RHBDD1: variants seen among roughly 807,000 people sequenced by gnomAD.
RHBDD1 encodes rhomboid domain containing 1, also known as rhomboid-related protein 4.
In RHBDD1, 38 loss-of-function variants were observed where a neutral mutation model predicts 36.3. The ratio of observed to expected loss-of-function variants is 1.05; its 90% confidence interval spans 0.81 to 1.37. RHBDD1 has a LOEUF of 1.37. RHBDD1 is among the 40% of genes most tolerant of loss of function. The pLI, the probability that RHBDD1 is intolerant of heterozygous loss-of-function variation, is 0.00. For synonymous variants in RHBDD1, 151 were observed against 136.5 expected, an observed-to-expected ratio of 1.11 and a Z score of -0.74; for missense variants, 393 against 377.6, an observed-to-expected ratio of 1.04 and a Z score of -0.34.
intron 8 of RHBDD1, among the ~76,000 whole-genome samples, chr2:226,922,473 C>T (rs1949396196): frequency 6.6e-6 from 1 of 152,124 alleles, no homozygotes; most frequent in Non-Finnish European, 1.5e-5. Context: ...TCCCAAAGGG[C>T]TGGGATTACA....
intron 3 of RHBDD1, among the ~76,000 whole-genome samples, chr2:226,863,631 G>A (rs527510768): frequency 5.3e-5 from 8 of 152,324 alleles, no homozygotes; most frequent in Admixed American, 1.3e-4. Flanking sequence ...CAGGGTGACT[G>A]GAGTGTGTGC....
intron 5 of RHBDD1, among the ~76,000 whole-genome samples, chr2:226,898,542 C>A (rs548054124): frequency 7.2e-5 from 11 of 152,192 alleles, no homozygotes; most frequent in African/African-American, 2.6e-4. Context: ...GACAAAGGTG[C>A]AGGGAGCAAG....
chr2:226,958,195 C>T (rs1401396440), intron 8 of RHBDD1, among the ~76,000 whole-genome samples: 1 of 152,076 alleles, frequency 6.6e-6, no homozygotes, highest in Non-Finnish European at 1.5e-5. Context: ...TATTATTTGG[C>T]CCTAAAAAGT....
intron 8 of RHBDD1, among the ~76,000 whole-genome samples, chr2:226,957,013 A>G (rs557444866): frequency 8.5e-5 from 13 of 152,344 alleles, no homozygotes; most frequent in Admixed American, 3.3e-4. Flanking sequence ...GGTGGTCTCA[A>G]TGAGGTATCT....
At chr2:226,848,460 T>C (rs1011131896) in intron 3 of RHBDD1, among the ~76,000 whole-genome samples, 5 of 152,200 alleles carry the variant, frequency 3.3e-5, no homozygotes, top group Non-Finnish European at 1.5e-5. Context: ...GGGTGACTTC[T>C]GGTCTCAGCT....
chr2:226,844,565 G>A (rs1417342292), intron 3 of RHBDD1, among the ~76,000 whole-genome samples: 1 of 152,196 alleles, frequency 6.6e-6, no homozygotes, highest in Non-Finnish European at 1.5e-5. Context: ...AGAGCAGGGA[G>A]TGGTGGTAGC....
intron 8 of RHBDD1, among the ~76,000 whole-genome samples, chr2:226,971,697 G>T (rs1953540283): frequency 6.6e-6 from 1 of 152,092 alleles, no homozygotes; most frequent in Admixed American, 6.6e-5. Flanking sequence ...TCAGAGAGGT[G>T]TTTTTTGCCT....
chr2:226,933,906 AATAG>A (rs1330250096), intron 8 of RHBDD1, among the ~76,000 whole-genome samples: 3 of 152,126 alleles, frequency 2.0e-5, no homozygotes, highest in Non-Finnish European at 2.9e-5. Context: ...TCCATCATGA[AATAG>A]ATAGAAACTA....
chr2:226,885,837 A>G (rs182849830), intron 5 of RHBDD1, among the ~76,000 whole-genome samples: 1 of 152,294 alleles, frequency 6.6e-6, no homozygotes, highest in East Asian at 1.9e-4. Context: ...GCCAGAAACT[A>G]CCATGGATAG....
chr2:226,865,494 T>G (rs992574807), intron 4 of RHBDD1, among the ~76,000 whole-genome samples: 2 of 152,046 alleles, frequency 1.3e-5, no homozygotes, highest in Non-Finnish European at 2.9e-5. Flanking sequence ...TGTCTCTGAT[T>G]ACCAACTTGT....
the RHBDD1 span, among the ~76,000 whole-genome samples, chr2:226,828,871 T>A: frequency 6.6e-6 from 1 of 152,174 alleles, no homozygotes; most frequent in Non-Finnish European, 1.5e-5. Context: ...TTCTTAATGA[T>A]GTCTTTTAAG....
intron 8 of RHBDD1, among the ~76,000 whole-genome samples, chr2:226,919,360 C>T (rs1949143977): frequency 6.6e-6 from 1 of 151,920 alleles, no homozygotes; most frequent in Admixed American, 6.6e-5. Context: ...TGCTTTTTGA[C>T]CTGTGCTTGT....
intron 5 of RHBDD1, among the ~76,000 whole-genome samples, chr2:226,892,962 G>T (rs969935951): frequency 4.6e-5 from 7 of 152,206 alleles, no homozygotes; most frequent in African/African-American, 1.7e-4. Context: ...GTGCAGCCAG[G>T]ATTGAGAACC....
At chr2:226,969,989 T>C (rs1377328828) in intron 8 of RHBDD1, among the ~76,000 whole-genome samples, 31 of 111,990 alleles carry the variant, frequency 2.8e-4, no homozygotes, top group South Asian at 7.6e-4. Context: ...TTTACAACTG[T>C]CCCCCCCCCC....
intron 7 of RHBDD1, among the ~76,000 whole-genome samples, chr2:226,910,153 G>C (rs1948419535): frequency 1.3e-5 from 2 of 152,148 alleles, no homozygotes. Context: ...TCTACTTACT[G>C]TCTTCTCTCT....
chr2:226,922,915 C>T (rs1269405143), intron 8 of RHBDD1, among the ~76,000 whole-genome samples: 1 of 152,128 alleles, frequency 6.6e-6, no homozygotes, highest in Non-Finnish European at 1.5e-5. Flanking sequence ...AAAAACTCTA[C>T]ACTTTAACTT....
At chr2:226,888,885 A>G (rs1012234516) in intron 5 of RHBDD1, among the ~76,000 whole-genome samples, 1 of 152,208 alleles carries the variant, frequency 6.6e-6, no homozygotes, top group African/African-American at 2.4e-5. Flanking sequence ...CACGTTAGGA[A>G]TTAAACAACT....
intron 3 of RHBDD1, among the ~76,000 whole-genome samples, chr2:226,851,301 C>G (rs6731119): frequency 0.015 from 2,322 of 151,948 alleles, 51 homozygotes; most frequent in African/African-American, 0.053. Context: ...CACATACCCC[C>G]CCAATGCAGA....
At chr2:226,926,991 G>A (rs2149078193) in intron 8 of RHBDD1, among the ~76,000 whole-genome samples, 1 of 152,066 alleles carries the variant, frequency 6.6e-6, no homozygotes, top group South Asian at 2.1e-4. Context: ...TACTCCGTGT[G>A]GTGTACACTT....
Sources: gnomAD v4.1 joint callset for allele counts (sites outside exome capture counted in the v4.1 genomes callset) on GRCh38, gnomAD v4.1.1 for gene constraint, MANE v1.5 for transcripts, NCBI Gene and HGNC (gene_info 2026-07-23, HGNC 2026-07-21) for gene names.